ZNF273: variants seen among roughly 807,000 people sequenced by gnomAD.
ZNF273 encodes zinc finger protein 9.
ZNF273 carries 11 observed loss-of-function variants against 14.9 expected under a neutral mutation model. The observed-to-expected ratio is 0.74, with a 90% CI of 0.46 to 1.22. The LOEUF is 1.22. ZNF273 is among the 50% of genes most tolerant of loss of function. ZNF273 has a pLI of 0.00. For missense variants in ZNF273, 577 were observed against 660.6 expected, an observed-to-expected ratio of 0.87 and a Z score of 1.39; for synonymous variants, 199 against 223.9, an observed-to-expected ratio of 0.89 and a Z score of 0.99.
At chr7:64,922,956 ACT>A (rs1310353613) in intron 3 of ZNF273, among the ~76,000 whole-genome samples, 1 of 151,868 alleles carries the variant, frequency 6.6e-6, no homozygotes, top group African/African-American at 2.4e-5. Context: ...GAAGAGCAAG[ACT>A]CTGTCTCAAA....
At chr7:64,879,000 G>A (rs1351551526) in intron 2 of ZNF273, among the ~76,000 whole-genome samples, 1 of 152,180 alleles carries the variant, frequency 6.6e-6, no homozygotes, top group Non-Finnish European at 1.5e-5. Flanking sequence ...CCACCAACAT[G>A]GAAACTCTTG....
intron 1 of ZNF273, chr7:64,888,409 G>A: frequency 4.1e-6 from 4 of 985,774 alleles, no homozygotes; most frequent in Non-Finnish European, 3.6e-6. Flanking sequence ...AAGGGAAGCA[G>A]GTGACACGGG....
chr7:64,893,692 CTCCCCTCCCCCT>C (rs1562951617), downstream of ZNF273: 1 of 123,330 alleles, frequency 8.1e-6, no homozygotes, highest in African/African-American at 3.2e-5. Context: ...TCCCCTCCCC[CTCCCCTCCCCCT>C]CCCCTCCCTT....
chr7:64,902,100 A>C (rs1226711707), upstream of ZNF273, among the ~76,000 whole-genome samples: 1 of 149,142 alleles, frequency 6.7e-6, no homozygotes, highest in Non-Finnish European at 1.5e-5. Flanking sequence ...GAAAAATTAC[A>C]TACTGCTCAC....
rs1408041341 is a variant in ZNF273 at position 64,927,745 on chromosome 7, T to G, written c.417T>G (p.Tyr139Ter). The change falls in exon 4 of 4, where the codon TAT becomes TAG. Residue 139 changes from tyrosine (Y) to a stop codon, truncating the protein, a stop_gained. Coordinates refer to ENST00000476120, the MANE Select transcript of ZNF273 (RefSeq NM_021148.3). LOFTEE classifies it low-confidence loss of function (END_TRUNC). ...TGATACTGAGAAGATATGGAAAATA[T>G]GGACATGAGAATTTACAATTAAGAA... ...QKVILRRYGK[Y>*]GHENLQLRKG... The G allele has an allele frequency of 3.1e-6, 5 of 1,613,288 alleles. No homozygotes were observed. Among genetic ancestry groups the G allele is most frequent in the Non-Finnish European group, 4.2e-6 (5 of 1,179,822 alleles).
intron 3 of ZNF273, among the ~76,000 whole-genome samples, chr7:64,927,021 C>T (rs910788739): frequency 7.9e-5 from 12 of 152,186 alleles, no homozygotes; most frequent in Non-Finnish European, 1.5e-4. Context: ...GGAAAGGCCC[C>T]TAGAAGTCTG....
chr7:64,894,066 G>A (rs1324325002), downstream of ZNF273, among the ~76,000 whole-genome samples: 1 of 152,096 alleles, frequency 6.6e-6, no homozygotes, highest in Admixed American at 6.6e-5. Context: ...GTGCAGTGGT[G>A]CAATCTGGGC....
chr7:64,896,771 G>A (rs1792388413), intron 3 of ZNF273, among the ~76,000 whole-genome samples: 1 of 151,900 alleles, frequency 6.6e-6, no homozygotes, highest in Admixed American at 6.6e-5. Context: ...GATGATCTAT[G>A]TAACAATCAT....
chr7:64,915,145 T>C (rs1793879148), intron 1 of ZNF273, among the ~76,000 whole-genome samples: 1 of 152,180 alleles, frequency 6.6e-6, no homozygotes, highest in African/African-American at 2.4e-5. Flanking sequence ...CTACTTTCTC[T>C]ACATCGTGGC....
chr7:64,879,307 C>T (rs1271078576), intron 2 of ZNF273: 3 of 152,196 alleles, frequency 2.0e-5, no homozygotes, highest in African/African-American at 7.2e-5. Context: ...CAGGAAGCTC[C>T]TGGGTGCACT....
At chr7:64,906,676 C>A (rs1793130158) in intron 1 of ZNF273, among the ~76,000 whole-genome samples, 1 of 124,592 alleles carries the variant, frequency 8.0e-6, no homozygotes, top group Non-Finnish European at 1.8e-5. Context: ...CATGAAGAAG[C>A]CTTTATACTG....
intron 1 of ZNF273, among the ~76,000 whole-genome samples, chr7:64,904,157 C>T (rs1792926392): frequency 1.3e-5 from 2 of 152,146 alleles, no homozygotes; most frequent in Admixed American, 1.3e-4. Flanking sequence ...GCAGCCATCT[C>T]GGCTCACTGC....
At chr7:64,909,523 C>G (rs1262873250) in intron 1 of ZNF273, among the ~76,000 whole-genome samples, 3 of 152,156 alleles carry the variant, frequency 2.0e-5, no homozygotes, top group Non-Finnish European at 4.4e-5. Flanking sequence ...GCCACCGCGC[C>G]CAGCCATAAT....
chr7:64,935,522 A>G (rs902126867), downstream of ZNF273, among the ~76,000 whole-genome samples: 5 of 151,668 alleles, frequency 3.3e-5, no homozygotes, highest in African/African-American at 1.2e-4. Flanking sequence ...TCCACCTATT[A>G]TTTATTTATT....
At chr7:64,913,586 C>T (rs771948620) in intron 1 of ZNF273, among the ~76,000 whole-genome samples, 14 of 150,710 alleles carry the variant, frequency 9.3e-5, no homozygotes, top group Non-Finnish European at 1.9e-4. Context: ...AAAGAGACAG[C>T]GAAGAAGATA....
intron 1 of ZNF273, among the ~76,000 whole-genome samples, chr7:64,910,901 G>A (rs142955509): frequency 3.4e-4 from 51 of 151,930 alleles, no homozygotes; most frequent in African/African-American, 8.7e-4. Context: ...AAGTAGCTGG[G>A]ATTACAAGCA....
At chr7:64,905,759 C>CGT (rs979153402) in intron 1 of ZNF273, among the ~76,000 whole-genome samples, 2 of 152,134 alleles carry the variant, frequency 1.3e-5, no homozygotes, top group African/African-American at 2.4e-5. Context: ...ATCAAGGGAT[C>CGT]GTGGCCTGAC....
downstream of ZNF273, among the ~76,000 whole-genome samples, chr7:64,884,277 G>A (rs1318017018): frequency 6.6e-6 from 1 of 152,042 alleles, no homozygotes; most frequent in Non-Finnish European, 1.5e-5. Context: ...CACTTTACAG[G>A]AGTCTCTTGG....
chr7:64,936,425 C>T, the ZNF273 span, among the ~76,000 whole-genome samples: 1 of 152,144 alleles, frequency 6.6e-6, no homozygotes, highest in Non-Finnish European at 1.5e-5. Flanking sequence ...ATACCAATTT[C>T]CCCTGAGTGA....
Sources: gnomAD v4.1 joint callset for allele counts (sites outside exome capture counted in the v4.1 genomes callset) on GRCh38, gnomAD v4.1.1 for gene constraint, MANE v1.5 for transcripts, NCBI Gene and HGNC (gene_info 2026-07-23, HGNC 2026-07-21) for gene names.